LRP2: variants seen among roughly 807,000 people sequenced by gnomAD.
LRP2 encodes low-density lipoprotein receptor-related protein 2.
Under a neutral mutation model 531.0 loss-of-function variants are expected in LRP2, and 172 were observed. The observed-to-expected ratio is 0.32, with a 90% CI of 0.29 to 0.37. The LOEUF (loss-of-function observed/expected upper bound fraction) is 0.37, where lower values mean the gene tolerates loss of function less well. Among genes scored for constraint, LRP2 ranks in the 10% least tolerant of loss-of-function variants. The pLI is 1.00. For missense variants in LRP2, 5,167 were observed against 5,868.3 expected (o/e 0.88, Z 3.90); for synonymous variants, 1,992 against 2,027.6 (o/e 0.98, Z 0.47).
At chr2:169,246,569 C>T in intron 21 of LRP2, 136 bp downstream of exon 21, 1 of 1,072,572 alleles carries the variant, frequency 9.3e-7, no homozygotes, top group South Asian at 1.4e-5. Context: ...TAAAAGCCTT[C>T]AAAGTGCATG....
rs757393374 is a variant in LRP2, at chr2:169,307,339, A to G, written c.369T>C (p.Ser123=). The change falls in exon 4 of 79, where the codon AGT becomes AGC. Residue 123 remains serine (S), a synonymous_variant. Coordinates refer to ENST00000649046, the MANE Select transcript of LRP2 (RefSeq NM_004525.3). ...CTCTGACGTGGTCGCACCTGTATTC[A>G]CTTGGGATACACTGACCATTGGAGC... ...ITCSNGQCIP[S]EYRCDHVRDC... is the part of the protein sequence containing the mutation. The G allele has an allele frequency of 6.2e-7, 1 of 1,614,062 alleles. No individual in the cohort carries two copies. Among genetic ancestry groups the G allele is most frequent in the Non-Finnish European group, 8.5e-7 (1 of 1,179,894 alleles).
Position 169,220,491 on chromosome 2 carries a change from C to T in LRP2, c.5611G>A (p.Gly1871Ser). 5 of 1,613,646 alleles carry T rather than the reference C, an allele frequency of 3.1e-6. No individual in the cohort carries two copies. Among genetic ancestry groups the T allele is most frequent in the Non-Finnish European group, 4.2e-6 (5 of 1,179,702 alleles). Residue 1871 changes from glycine to serine, a missense_variant, in exon 34 of 79, where the codon GGC becomes AGC. Gly to Ser is a moderately conservative substitution (Grantham distance 56). Transcript: ENST00000649046. ...TCAACAGTTATGCCAATTGGAAAGC[C>T]AACTCCAAGAGCTGTCCCATCATTG... is the stretch of plus-strand genomic sequence containing the variant. ...IANDGTALGV[G>S]FPIGITVDPA...
rs114127314 is a variant in LRP2 at position 169,149,089 on chromosome 2, T to C, written c.12590+1809A>G. Among the ~76,000 whole-genome samples the C allele has an allele frequency of 2.9e-3, 439 of 152,348 alleles. 6 individuals carry two copies. The highest frequency in any genetic ancestry group is 8.9e-3 in the African/African-American group (372 of 41,580). On this transcript the variant is annotated intron_variant, in intron 68 of 78. Coordinates refer to ENST00000649046, the MANE Select transcript of LRP2 (RefSeq NM_004525.3). ...TTGTATCTTATATTATAGTCAACAG[T>C]TGCTGTCTGAAGGAGCATGGTGTTA... is the stretch of plus-strand genomic sequence containing the variant.
chr2:169,293,496 T>A (rs1453310502), intron 6 of LRP2, among the ~76,000 whole-genome samples: 3 of 152,024 alleles, frequency 2.0e-5, no homozygotes, highest in Non-Finnish European at 4.4e-5. Flanking sequence ...GCCAACACGG[T>A]GAAACCCCAT....
intron 1 of LRP2, among the ~76,000 whole-genome samples, chr2:169,351,737 C>T (rs1266678160): frequency 3.9e-5 from 6 of 152,118 alleles, no homozygotes; most frequent in African/African-American, 7.2e-5. Context: ...GAATGTCAAG[C>T]GAGGCTAGTC....
At chr2:169,304,452 A>T (rs1196916980) in intron 4 of LRP2, among the ~76,000 whole-genome samples, 1 of 152,222 alleles carries the variant, frequency 6.6e-6, no homozygotes, top group African/African-American at 2.4e-5. Context: ...GGAACCTAAT[A>T]GTAACAACTA....
chr2:169,142,468 A>G (rs1685756981), intron 71 of LRP2, among the ~76,000 whole-genome samples: 1 of 152,182 alleles, frequency 6.6e-6, no homozygotes, highest in Non-Finnish European at 1.5e-5. Context: ...GATCTTAGCA[A>G]ATAATTCTCA....
chr2:169,166,521 T>C (rs1686790471), intron 61 of LRP2, among the ~76,000 whole-genome samples: 1 of 152,226 alleles, frequency 6.6e-6, no homozygotes, highest in Non-Finnish European at 1.5e-5. Flanking sequence ...TGGCAGTACA[T>C]GGACTCTTAT....
chr2:169,273,131 GC>G (rs1172852441), intron 14 of LRP2, 64 bp from the exon 15 acceptor site: 60 of 1,566,516 alleles, frequency 3.8e-5, no homozygotes. Context: ...AAGACATGAA[GC>G]CACTTCTAGC....
intron 16 of LRP2, among the ~76,000 whole-genome samples, chr2:169,264,778 T>C (rs1292395522): frequency 2.0e-5 from 3 of 151,978 alleles, no homozygotes; most frequent in Non-Finnish European, 4.4e-5. Flanking sequence ...GGGGCTCAGA[T>C]AAAGCAAGAT....
Position 169,177,913 on chromosome 2 carries a change from C to T in LRP2, c.10283G>A (p.Arg3428Lys), listed in dbSNP as rs1687261586. The change falls in exon 53 of 79, where the codon AGG (arginine) becomes AAG (lysine). Residue 3428 changes from arginine (R) to lysine (K), a missense_variant. By Grantham distance (26) the Arg-to-Lys change is conservative. This residue lies in a region of LRP2 where 1,129 missense variants were observed against 1,362.7 expected (regional missense o/e 0.83). Coordinates refer to ENST00000649046, the MANE Select transcript of LRP2 (RefSeq NM_004525.3). ...ATATTTGTTTCCCTTTTCCACTGTC[C>T]TTGTATTCCAATCTGTCCAATAAAT... ...DTIYWTDWNT[R>K]TVEKGNKYDG... is the part of the protein sequence containing the mutation. The T allele has an allele frequency of 1.2e-6, 2 of 1,614,166 alleles. No homozygotes were observed. Among genetic ancestry groups the T allele is most frequent in the Non-Finnish European group, 1.7e-6 (2 of 1,180,016 alleles).
At chr2:169,141,961 G>T (rs368700342) in intron 71 of LRP2, among the ~76,000 whole-genome samples, 15 of 152,280 alleles carry the variant, frequency 9.9e-5, no homozygotes, top group African/African-American at 3.1e-4. Flanking sequence ...GCTCCCCCTG[G>T]TGGTAGAAGG....
At chr2:169,181,689 C>T (rs1687438641) in intron 51 of LRP2, 71 bp from the exon 52 acceptor site, 3 of 1,379,704 alleles carry the variant, frequency 2.2e-6, no homozygotes, top group South Asian at 1.2e-5. Context: ...CACACCTTTT[C>T]TCCATTTAGA....
rs542440231 is a variant in LRP2 at position 169,294,685 on chromosome 2, A to C, written c.453T>G (p.Thr151=). The change falls in exon 5 of 79, where the codon ACT becomes ACG. Residue 151 remains threonine (T), a synonymous_variant. Transcript: ENST00000649046. ...DCQYPTCEQL[T]CDNGACYNTS... ...TGTTATAGCAGGCCCCATTGTCACA[A>C]GTAAGCTGCTCACATGTTGGGTACT... 3.1e-6 allele frequency: 5 copies of C among 1,601,420 alleles called. No individual in the cohort carries two copies. In the East Asian group the frequency reaches 6.7e-5, roughly 21 times the overall value.
rs534849002 is a variant in LRP2, at chr2:169,330,687, A to G, written c.80-9803T>C. Among the ~76,000 whole-genome samples the G allele has an allele frequency of 1.9e-4, 29 of 152,216 alleles. No homozygotes were observed. The South Asian group carries it at 4.6e-3, about 24-fold the overall frequency. Reference sequence around the variant, plus strand: ...ATCATCCCTGACCCCCACCTGTGGAACACCAGTAGTGCTCCCCCACATCAC... The same window carrying G: ...ATCATCCCTGACCCCCACCTGTGGAGCACCAGTAGTGCTCCCCCACATCAC... On this transcript the variant is annotated intron_variant, in intron 1 of 78. Transcript: ENST00000649046.
At chr2:169,180,770 T>C (rs1687399757) in intron 52 of LRP2, among the ~76,000 whole-genome samples, 1 of 152,274 alleles carries the variant, frequency 6.6e-6, no homozygotes, top group Non-Finnish European at 1.5e-5. Context: ...CCATAAATGC[T>C]TATGCAGAAG....
At chr2:169,130,840 A>G (rs1206138064) in intron 77 of LRP2, among the ~76,000 whole-genome samples, 1 of 152,224 alleles carries the variant, frequency 6.6e-6, no homozygotes, top group African/African-American at 2.4e-5. Context: ...GTATTACAAA[A>G]GGGAAGAGAA....
At chr2:169,196,201 C>T (rs528355144) in intron 46 of LRP2, among the ~76,000 whole-genome samples, 1 of 152,190 alleles carries the variant, frequency 6.6e-6, no homozygotes, top group Non-Finnish European at 1.5e-5. Flanking sequence ...CCATATGTGG[C>T]TGCATTTGAG....
At chr2:169,171,935 A>G in intron 58 of LRP2, 80 bp downstream of exon 58, 1 of 1,559,254 alleles carries the variant, frequency 6.4e-7, no homozygotes. Context: ...GATCAATGAC[A>G]TAGACAGTTG....
Sources: allele counts gnomAD v4.1 joint callset (sites outside exome capture counted in the v4.1 genomes callset), GRCh38; gene constraint gnomAD v4.1.1; regional missense constraint gnomAD v4.1.1; transcripts MANE v1.5; gene names NCBI Gene and HGNC (gene_info 2026-07-23, HGNC 2026-07-21).